ADCY5: variants seen among roughly 807,000 people sequenced by gnomAD.
ADCY5 encodes adenylate cyclase type 5.
In ADCY5, 30 loss-of-function variants were observed where a neutral mutation model predicts 119.7. The ratio of observed to expected loss-of-function variants is 0.25; its 90% CI spans 0.19 to 0.34. The LOEUF is 0.34. ADCY5 is among the 10% of genes least tolerant of loss of function. The probability of loss-of-function intolerance (pLI) is 1.00; values close to 1 mark genes in which losing one functional copy is unlikely to be tolerated. For synonymous variants in ADCY5, 753 were observed against 762.2 expected (o/e 0.99, Z 0.20); for missense variants, 1,324 against 1,775.2 (o/e 0.75, Z 4.57).
Position 123,447,589 on chromosome 3 carries a change from C to T in ADCY5, c.957G>A (p.Leu319=), listed in dbSNP as rs528046345. Residue 319 remains leucine, a synonymous_variant, in exon 1 of 21, where the codon CTG becomes CTA. Coordinates refer to ENST00000462833, the MANE Select transcript of ADCY5 (RefSeq NM_183357.3). ...VLAVQVVGLL[L]PQPRSASEGI... Reference sequence around the variant, plus strand: ...CCTCAGAGGCGCTGCGTGGCTGCGGCAGCAGCAGGCCCACCACCTGGACGG... The same window carrying T: ...CCTCAGAGGCGCTGCGTGGCTGCGGTAGCAGCAGGCCCACCACCTGGACGG... The T allele has an allele frequency of 6.2e-6, 10 of 1,607,678 alleles. No individual in the cohort carries two copies. The highest frequency in any genetic ancestry group is 1.7e-5 in the Admixed American group (1 of 59,788).
intron 1 of ADCY5, among the ~76,000 whole-genome samples, chr3:123,389,587 T>C (rs772790764): frequency 2.6e-5 from 4 of 151,974 alleles, no homozygotes; most frequent in Admixed American, 6.6e-5. Context: ...CCTGGTTCCA[T>C]ACAGGCCCAC....
intron 1 of ADCY5, among the ~76,000 whole-genome samples, chr3:123,371,206 A>G (rs1943629364): frequency 1.3e-5 from 2 of 152,202 alleles, no homozygotes; most frequent in Admixed American, 1.3e-4. Context: ...TCAAAGCTCC[A>G]AGTTCACATC....
rs190263072 is a variant in ADCY5, at chr3:123,412,142, C to T, written c.1134+35270G>A. Among the ~76,000 whole-genome samples, 9 of 152,270 alleles carry T rather than the reference C, an allele frequency of 5.9e-5. No individual in the cohort carries two copies. In the East Asian group the frequency reaches 1.7e-3, roughly 29 times the overall value. On this transcript the variant is annotated intron_variant, in intron 1 of 20. Coordinates refer to ENST00000462833, the MANE Select transcript of ADCY5 (RefSeq NM_183357.3). ...GATGGGAAGAGACAGCAGGAGGGAA[C>T]GAAGCTAGACCTCGAGGCTTCCTGA...
chr3:123,434,255 G>A lies in ADCY5; in HGVS notation c.1134+13157C>T, dbSNP rs112580919. On this transcript the variant is annotated intron_variant, in intron 1 of 20. Coordinates refer to ENST00000462833, the MANE Select transcript of ADCY5 (RefSeq NM_183357.3). ...GAATGGGGTCGGTTCACCTCTCGGA[G>A]CCTCTTATTTCCTCCTCTCCAAAAC... Among the ~76,000 whole-genome samples the A allele has an allele frequency of 5.6e-3, 858 of 152,330 alleles. 10 individuals are homozygous for A. The highest frequency in any genetic ancestry group is 0.02 in the African/African-American group (823 of 41,564).
Position 123,373,914 on chromosome 3 carries a change from G to A in ADCY5, c.1135-21333C>T, listed in dbSNP as rs568757005. ...TTTGGTTCCTATAAAATCAGGATAG[G>A]GCTTCCGCATATTCGATGGAGAAGT... is the stretch of plus-strand genomic sequence containing the variant. On this transcript the variant is annotated intron_variant, in intron 1 of 20. Transcript: ENST00000462833. Among the ~76,000 whole-genome samples the A allele has an allele frequency of 9.2e-5, 14 of 152,250 alleles. No individual in the cohort carries two copies. In the East Asian group the frequency reaches 2.1e-3, roughly 23 times the overall value.
At chr3:123,304,641 T>C (rs372367352) in intron 12 of ADCY5, among the ~76,000 whole-genome samples, 4 of 152,026 alleles carry the variant, frequency 2.6e-5, no homozygotes, top group African/African-American at 7.2e-5. Flanking sequence ...GGACTAGGCC[T>C]CTGGGCTCGG....
At chr3:123,346,338 C>T (rs574625776) in intron 3 of ADCY5, among the ~76,000 whole-genome samples, 32 of 152,338 alleles carry the variant, frequency 2.1e-4, no homozygotes, top group Admixed American at 1.5e-3. Flanking sequence ...CAGCCTTCTT[C>T]CTGGGAGACC....
intron 1 of ADCY5, among the ~76,000 whole-genome samples, chr3:123,393,449 A>G (rs936242560): frequency 2.6e-5 from 4 of 152,036 alleles, no homozygotes; most frequent in African/African-American, 9.7e-5. Context: ...CTTAGTTACC[A>G]GGGAGGCTGA....
intron 20 of ADCY5, among the ~76,000 whole-genome samples, chr3:123,285,921 G>A (rs1211406092): frequency 6.6e-6 from 1 of 152,206 alleles, no homozygotes; most frequent in Non-Finnish European, 1.5e-5. Flanking sequence ...AGGCCCTGTG[G>A]GGGAGAGAAG....
chr3:123,367,458 T>C (rs926884140), intron 1 of ADCY5, among the ~76,000 whole-genome samples: 1 of 152,196 alleles, frequency 6.6e-6, no homozygotes, highest in Non-Finnish European at 1.5e-5. Context: ...AATTTATTTA[T>C]CCTCCAAGTG....
At chr3:123,330,534 G>A (rs965346934) in intron 5 of ADCY5, among the ~76,000 whole-genome samples, 2 of 152,180 alleles carry the variant, frequency 1.3e-5, no homozygotes, top group African/African-American at 4.8e-5. Flanking sequence ...GCAGTTCGAT[G>A]CCTGGCTGGG....
chr3:123,286,464 G>C lies in ADCY5; in HGVS notation c.3657+221C>G, dbSNP rs1576518927. The stretch of plus-strand genomic sequence containing the variant: ...CCCAGTCCCTTCCATGCCCAGTAGA[G>C]GGCTCTGCAGAAGCCTGAAGATCTG... On this transcript the variant is annotated intron_variant, in intron 20 of 20. Coordinates refer to ENST00000462833, the MANE Select transcript of ADCY5 (RefSeq NM_183357.3). This position sits in a 1 kb window ranked among gnomAD's most constrained non-coding sequence, Gnocchi z 4.2. Among the ~76,000 whole-genome samples, 3 of 152,220 alleles carry C rather than the reference G, an allele frequency of 2.0e-5. No homozygotes were observed. Among genetic ancestry groups the C allele is most frequent in the Non-Finnish European group, 2.9e-5 (2 of 68,028 alleles).
intron 3 of ADCY5, among the ~76,000 whole-genome samples, chr3:123,341,930 T>TA (rs952433782): frequency 5.3e-5 from 8 of 150,928 alleles, no homozygotes; most frequent in South Asian, 2.1e-4. Context: ...TCAGAATACT[T>TA]AAAAAAAAAT....
chr3:123,416,043 A>C, intron 1 of ADCY5: 2 of 861,408 alleles, frequency 2.3e-6, no homozygotes, highest in Non-Finnish European at 3.4e-6. Flanking sequence ...AAAAAATCCA[A>C]GATAAAGTTC....
intron 14 of ADCY5, among the ~76,000 whole-genome samples, chr3:123,301,877 T>C (rs1306512582): frequency 7.4e-6 from 1 of 135,990 alleles, no homozygotes; most frequent in African/African-American, 2.7e-5. Context: ...GGGTGCAGCA[T>C]GGCTGCCTGG....
At chr3:123,338,850 C>T (rs1474778666) in intron 3 of ADCY5, among the ~76,000 whole-genome samples, 2 of 152,246 alleles carry the variant, frequency 1.3e-5, no homozygotes, top group Non-Finnish European at 2.9e-5. Context: ...TTCCATCTTG[C>T]TGCCAACAGG....
At chr3:123,360,975 C>A (rs1183515293) in intron 1 of ADCY5, among the ~76,000 whole-genome samples, 3 of 152,222 alleles carry the variant, frequency 2.0e-5, no homozygotes, top group African/African-American at 7.2e-5. Context: ...AAGGAAGCTG[C>A]AGAACTGGGA....
chr3:123,324,648 C>G (rs1941387353), intron 8 of ADCY5, among the ~76,000 whole-genome samples: 1 of 152,156 alleles, frequency 6.6e-6, no homozygotes, highest in Non-Finnish European at 1.5e-5. Flanking sequence ...AATCCATCTT[C>G]CTGTCATTGC....
At chr3:123,421,613 G>C (rs1216933346) in intron 1 of ADCY5, among the ~76,000 whole-genome samples, 1 of 152,126 alleles carries the variant, frequency 6.6e-6, no homozygotes, top group Non-Finnish European at 1.5e-5. Context: ...AGGGTGGGTG[G>C]TAGGCAATGA....
Sources: allele counts gnomAD v4.1 joint callset (sites outside exome capture counted in the v4.1 genomes callset), GRCh38; gene constraint gnomAD v4.1.1; non-coding constraint Gnocchi (gnomAD v3.1); transcripts MANE v1.5; gene names NCBI Gene and HGNC (gene_info 2026-07-23, HGNC 2026-07-21).